RPS6KC1: variants seen among roughly 807,000 people sequenced by gnomAD.
RPS6KC1 encodes the protein inactive ribosomal protein S6 kinase delta-1.
Under a neutral mutation model 103.8 loss-of-function variants are expected in RPS6KC1, and 54 were observed. That is an observed-to-expected ratio of 0.52 (90% confidence interval 0.42 to 0.65). The LOEUF is 0.65. RPS6KC1 is among the 30% of genes least tolerant of loss of function. The pLI, the probability that RPS6KC1 is intolerant of heterozygous loss-of-function variation, is 0.00. For missense variants in RPS6KC1, 1,151 were observed against 1,253.8 expected, an observed-to-expected ratio of 0.92 and a Z score of 1.24; for synonymous variants, 439 against 438.7, an observed-to-expected ratio of 1.00 and a Z score of -0.01.
chr1:213,766,937 C>T, the RPS6KC1 span, among the ~76,000 whole-genome samples: 1 of 152,084 alleles, frequency 6.6e-6, no homozygotes, highest in Non-Finnish European at 1.5e-5. Flanking sequence ...CAACCAGAAC[C>T]CCGGTTTTTA....
chr1:213,194,192 C>T (rs2092854349), intron 8 of RPS6KC1, among the ~76,000 whole-genome samples: 1 of 152,078 alleles, frequency 6.6e-6, no homozygotes, highest in African/African-American at 2.4e-5. Flanking sequence ...TATTTTCCGC[C>T]TGTGTGTCTT....
intron 1 of RPS6KC1, among the ~76,000 whole-genome samples, chr1:213,058,173 A>G (rs13376639): frequency 0.023 from 3,350 of 145,114 alleles, 120 homozygotes; most frequent in African/African-American, 0.082. Flanking sequence ...TCGACCTCCT[A>G]GGCTGAAGTG....
chr1:213,437,300 G>A, the RPS6KC1 span, among the ~76,000 whole-genome samples: 10 of 152,042 alleles, frequency 6.6e-5, no homozygotes, highest in African/African-American at 2.4e-4. Context: ...TTTGGTCAAT[G>A]AGATAAATTG....
intron 6 of RPS6KC1, among the ~76,000 whole-genome samples, chr1:213,141,985 G>A (rs1045783081): frequency 6.6e-6 from 1 of 151,908 alleles, no homozygotes; most frequent in Admixed American, 6.6e-5. Flanking sequence ...AAGTGTCTCA[G>A]TATTACTGTG....
At chr1:213,353,817 G>T in the RPS6KC1 span, among the ~76,000 whole-genome samples, 1 of 152,164 alleles carries the variant, frequency 6.6e-6, no homozygotes, top group African/African-American at 2.4e-5. Flanking sequence ...CCATGAGAAA[G>T]GGACAGAAAG....
intron 2 of RPS6KC1, among the ~76,000 whole-genome samples, chr1:213,075,317 T>G (rs1213096007): frequency 1.3e-5 from 2 of 152,168 alleles, no homozygotes; most frequent in Non-Finnish European, 2.9e-5. Context: ...CATTTCTCCT[T>G]TAATTCCTTG....
At chr1:213,731,212 G>C in the RPS6KC1 span, among the ~76,000 whole-genome samples, 1 of 152,152 alleles carries the variant, frequency 6.6e-6, no homozygotes. Flanking sequence ...TTTTTGCTTG[G>C]TATTGCCTTG....
chr1:213,559,298 T>C, the RPS6KC1 span, among the ~76,000 whole-genome samples: 45 of 152,324 alleles, frequency 3.0e-4, no homozygotes, highest in East Asian at 7.7e-3. Flanking sequence ...CCCTTTGTTC[T>C]GAAGCTTATA....
Position 213,240,909 on chromosome 1 carries a change from C to T in RPS6KC1, c.1433C>T (p.Pro478Leu), listed in dbSNP as rs1437923640. The change falls in exon 11 of 15, where the codon CCA becomes CTA. Residue 478 changes from proline to leucine, a missense_variant. Physicochemically the swap from Pro to Leu is moderately conservative, Grantham distance 98. This residue lies in a region of RPS6KC1 where 959 missense variants were observed against 1,006.3 expected (regional missense o/e 0.95). Transcript: ENST00000366960. Reference sequence around the variant, plus strand: ...CTGCCTTTGAAGAGTAGTCTTACTCCAAGTTCTCAAGATGACAGCAACCAG... The same window carrying T: ...CTGCCTTTGAAGAGTAGTCTTACTCTAAGTTCTCAAGATGACAGCAACCAG... The part of the protein sequence containing the change: ...KALPLKSSLT[P>L]SSQDDSNQED... The T allele has an allele frequency of 6.2e-7, 1 of 1,613,664 alleles. No individual in the cohort carries two copies. The highest frequency in any genetic ancestry group is 8.5e-7 in the Non-Finnish European group (1 of 1,179,874).
At chr1:213,694,589 A>G in the RPS6KC1 span, among the ~76,000 whole-genome samples, 2 of 152,026 alleles carry the variant, frequency 1.3e-5, no homozygotes, top group Non-Finnish European at 2.9e-5. Flanking sequence ...TCTGCTCCCC[A>G]CCTTAACCTT....
chr1:213,366,462 G>A, the RPS6KC1 span, among the ~76,000 whole-genome samples: 1 of 152,316 alleles, frequency 6.6e-6, no homozygotes, highest in East Asian at 1.9e-4. Context: ...TTTAGTGCAG[G>A]GATTGGCAAA....
chr1:213,620,475 A>C, the RPS6KC1 span, among the ~76,000 whole-genome samples: 2 of 152,248 alleles, frequency 1.3e-5, no homozygotes, highest in Non-Finnish European at 2.9e-5. Flanking sequence ...AGAGACTAAG[A>C]TAGAAACTTC....
chr1:213,581,564 C>T, the RPS6KC1 span, among the ~76,000 whole-genome samples: 1 of 152,072 alleles, frequency 6.6e-6, no homozygotes. Context: ...TACCCATTGG[C>T]TCCAGGTCTT....
intron 8 of RPS6KC1, among the ~76,000 whole-genome samples, chr1:213,221,137 A>C (rs1310133227): frequency 6.6e-6 from 1 of 152,112 alleles, no homozygotes; most frequent in Non-Finnish European, 1.5e-5. Context: ...GTTTCATTTT[A>C]TTCACCATAA....
At chr1:213,794,435 G>C in the RPS6KC1 span, 1 of 152,014 alleles carries the variant, frequency 6.6e-6, no homozygotes, top group Non-Finnish European at 1.5e-5. Context: ...ACACAGAGAC[G>C]GTTTTGGGAT....
the RPS6KC1 span, among the ~76,000 whole-genome samples, chr1:213,803,871 G>A: frequency 6.8e-6 from 1 of 147,816 alleles, no homozygotes; most frequent in African/African-American, 2.5e-5. Flanking sequence ...CTTGTGATTT[G>A]TGAATCTATA....
chr1:213,179,112 G>C (rs1302931992), intron 8 of RPS6KC1, among the ~76,000 whole-genome samples: 2 of 152,034 alleles, frequency 1.3e-5, no homozygotes, highest in African/African-American at 4.8e-5. Flanking sequence ...ACATATTCCT[G>C]TGAAAACATA....
the RPS6KC1 span, among the ~76,000 whole-genome samples, chr1:213,693,552 C>T: frequency 3.9e-5 from 6 of 152,270 alleles, no homozygotes; most frequent in East Asian, 3.9e-4. Context: ...GAAGAGGGAT[C>T]GGGAAAGGGA....
Position 213,140,286 on chromosome 1 carries a change from A to G in RPS6KC1, c.835+10397A>G, listed in dbSNP as rs13313023. On this transcript the variant is annotated intron_variant, in intron 6 of 14. Transcript: ENST00000366960. ...TCTAGGTATAGTATCTTGCGAAGAA[A>G]GATGATTTGACTTCCTCTCTTCTTA... Among the ~76,000 whole-genome samples, 502 of 152,026 alleles carry G rather than the reference A, an allele frequency of 3.3e-3. 1 individual carries two copies. Among genetic ancestry groups the G allele is most frequent in the African/African-American group, 0.012 (483 of 41,532 alleles).
Sources: gnomAD v4.1 joint callset for allele counts (sites outside exome capture counted in the v4.1 genomes callset) on GRCh38, gnomAD v4.1.1 for gene constraint, gnomAD v4.1.1 regional missense constraint, MANE v1.5 for transcripts, NCBI Gene and HGNC (gene_info 2026-07-23, HGNC 2026-07-21) for gene names.